The following BPNT1 variants were observed in gnomAD, a reference collection of about 807,000 sequenced individuals.
BPNT1 encodes the protein 3'(2'), 5'-bisphosphate nucleotidase 1, also known as 3'(2'),5'-bisphosphate nucleotidase 1.
In BPNT1, 28 loss-of-function variants were observed where a neutral mutation model predicts 36.9. The observed-to-expected ratio is 0.76, with a 90% CI of 0.56 to 1.04. The LOEUF (loss-of-function observed/expected upper bound fraction) is 1.04. Among genes scored for constraint, BPNT1 ranks in the 50% least tolerant of loss-of-function variants. The pLI is 0.00. For synonymous variants in BPNT1, 119 were observed against 130.9 expected (o/e 0.91, Z 0.62); for missense variants, 313 against 372.9 (o/e 0.84, Z 1.32).
intron 2 of BPNT1, 73 bp from the exon 3 acceptor site, chr1:220,074,144 G>A (rs1032573550): frequency 2.2e-6 from 3 of 1,333,498 alleles, no homozygotes; most frequent in Non-Finnish European, 3.2e-6. Flanking sequence ...GTGCATGAGT[G>A]CCTACATAAT....
chr1:220,084,101 G>T (rs1429372872), intron 1 of BPNT1, among the ~76,000 whole-genome samples: 3 of 152,110 alleles, frequency 2.0e-5, no homozygotes, highest in African/African-American at 7.2e-5. Context: ...GGGAGGCCGA[G>T]GTGGGTGGAT....
At chr1:220,077,309 T>C (rs1664639287) in intron 2 of BPNT1, among the ~76,000 whole-genome samples, 2 of 152,198 alleles carry the variant, frequency 1.3e-5, no homozygotes, top group Admixed American at 1.3e-4. Flanking sequence ...TAAATCAAGA[T>C]ACCCTCTATT....
chr1:220,079,879 C>T, intron 1 of BPNT1, 25 bp from the exon 2 acceptor site: 1 of 1,599,820 alleles, frequency 6.3e-7, no homozygotes, highest in Non-Finnish European at 8.5e-7. Flanking sequence ...AGAAAAATGT[C>T]TTGTTAGTTT....
At chr1:220,086,473 C>T (rs1655737064) in intron 1 of BPNT1, among the ~76,000 whole-genome samples, 2 of 151,982 alleles carry the variant, frequency 1.3e-5, no homozygotes, top group South Asian at 4.1e-4. Flanking sequence ...GGGGTTTCAC[C>T]ACATTGGCCA....
In BPNT1 at chr1:220,064,273, C is replaced by G. The variant is rs554743451; in HGVS notation, c.475-1319G>C. ...CCTATGTTTACCTGTCAAATGTTTT[C>G]ACACACATCATCTTATTTGTCCTAG... On this transcript the variant is annotated intron_variant, in intron 6 of 8. Coordinates refer to ENST00000322067, the MANE Select transcript of BPNT1 (RefSeq NM_006085.6). 2.6e-4 allele frequency among the ~76,000 whole-genome samples: 39 copies of G among 152,290 alleles called. No individual in the cohort carries two copies. In the South Asian group the frequency reaches 7.7e-3, roughly 30 times the overall value.
chr1:220,089,581 G>A (rs1174092861), intron 1 of BPNT1, 105 bp downstream of exon 1: 1 of 152,200 alleles, frequency 6.6e-6, no homozygotes, highest in Non-Finnish European at 1.5e-5. Context: ...AGAATATCTG[G>A]AGAAGCAATC....
At chr1:220,068,179 T>C (rs535970466) in intron 5 of BPNT1, among the ~76,000 whole-genome samples, 41 of 152,212 alleles carry the variant, frequency 2.7e-4, no homozygotes, top group African/African-American at 5.8e-4. Context: ...TCATCATCAT[T>C]ATTATTCTTA....
chr1:220,089,145 GGAA>G (rs911791480), intron 1 of BPNT1, among the ~76,000 whole-genome samples: 10 of 139,710 alleles, frequency 7.2e-5, no homozygotes, highest in Non-Finnish European at 9.6e-5. Flanking sequence ...GGAAGGAGGA[GGAA>G]GAAGAAGAAG....
chr1:220,059,572 C>A, intron 8 of BPNT1, 114 bp downstream of exon 8: 1 of 799,794 alleles, frequency 1.3e-6, no homozygotes, highest in Non-Finnish European at 1.9e-6. Context: ...TCTAAGCTGC[C>A]TTCTAGCTTT....
rs545586760 is a variant in BPNT1 at position 220,058,727 on chromosome 1, C to T, written c.*117G>A. The T allele has an allele frequency of 2.9e-4, 308 of 1,046,510 alleles. No individual in the cohort carries two copies. Among genetic ancestry groups the T allele is most frequent in the African/African-American group, 1.4e-3 (86 of 62,928 alleles). The allele number at this position is 1,046,510 out of a possible 1,614,324, so 64.8% of individuals were successfully genotyped here. On this transcript the variant is annotated 3_prime_UTR_variant, in exon 9 of 9. Transcript: ENST00000322067. The stretch of plus-strand genomic sequence containing the variant: ...GTATTTTTGTAGAGATGGGGTCTCA[C>T]GATATTGCCCAGGCTGGTCTCAAAC...
intron 1 of BPNT1, among the ~76,000 whole-genome samples, chr1:220,089,400 A>T (rs1656096705): frequency 6.6e-6 from 1 of 152,186 alleles, no homozygotes; most frequent in Non-Finnish European, 1.5e-5. Flanking sequence ...TGTTTAAAGA[A>T]ATTTAATTTT....
chr1:220,063,845 T>C lies in BPNT1; in HGVS notation c.475-891A>G, dbSNP rs115151270. Among the ~76,000 whole-genome samples, 885 of 152,244 alleles carry C rather than the reference T, an allele frequency of 5.8e-3. 11 individuals carry two copies. The highest frequency in any genetic ancestry group is 0.02 in the African/African-American group (846 of 41,542). On this transcript the variant is annotated intron_variant, in intron 6 of 8. Transcript: ENST00000322067. ...ATAATGCAATCTTAGAATCTATATT[T>C]TCCTTTGCAGAACTCAATTTCAACT...
chr1:220,082,151 A>C (rs1397600023), intron 1 of BPNT1, among the ~76,000 whole-genome samples: 1 of 145,630 alleles, frequency 6.9e-6, no homozygotes, highest in Non-Finnish European at 1.5e-5. Flanking sequence ...TATATGATAT[A>C]TATGTATTTT....
intron 1 of BPNT1, among the ~76,000 whole-genome samples, chr1:220,088,984 C>G (rs1321393287): frequency 6.7e-6 from 1 of 150,146 alleles, no homozygotes; most frequent in Non-Finnish European, 1.5e-5. Flanking sequence ...GCCTGTAGTC[C>G]CAGCTACTCG....
At position 220,074,017 on chromosome 1, in the gene BPNT1, A is replaced by T. The variant is rs1664322910; in HGVS notation, c.175T>A (p.Cys59Ser). The change falls in exon 3 of 9, where the codon TGT becomes AGT. Residue 59 changes from cysteine to serine, a missense_variant. Physicochemically the swap from Cys to Ser is moderately radical, Grantham distance 112 (BLOSUM62 -1). Coordinates refer to ENST00000322067, the MANE Select transcript of BPNT1 (RefSeq NM_006085.6). Reference protein sequence around the residue: ...KADRLAQMSICSSLARKFPKL... With the variant: ...KADRLAQMSISSSLARKFPKL... ...GGGAATTTCCGGGCCAATGAAGAAC[A>T]TATGCTCATCTGTGCCAATCGGTCA... is the stretch of plus-strand genomic sequence containing the variant. The T allele has an allele frequency of 1.2e-6, 2 of 1,614,044 alleles. No individual in the cohort carries two copies. The highest frequency in any genetic ancestry group is 1.3e-5 in the African/African-American group (1 of 74,938).
At chr1:220,060,894 C>G (rs963524684) in intron 7 of BPNT1, among the ~76,000 whole-genome samples, 2 of 152,070 alleles carry the variant, frequency 1.3e-5, no homozygotes, top group African/African-American at 2.4e-5. Flanking sequence ...GGCGGGGAGG[C>G]TTCCAGGATA....
At chr1:220,081,336 A>G (rs1461156282) in intron 1 of BPNT1, among the ~76,000 whole-genome samples, 1 of 152,128 alleles carries the variant, frequency 6.6e-6, no homozygotes. Flanking sequence ...TGAGGTCAGG[A>G]GTTTGAGACC....
chr1:220,077,953 G>C (rs1397501757), intron 2 of BPNT1, among the ~76,000 whole-genome samples: 1 of 151,906 alleles, frequency 6.6e-6, no homozygotes, highest in Non-Finnish European at 1.5e-5. Flanking sequence ...AAGGTGGGTG[G>C]ATCACTTGAA....
chr1:220,072,961 A>G lies in BPNT1; in HGVS notation c.226-4T>C, dbSNP rs1318094123. ...CCACTTCCTCAGAAGGCAGATCCTAAAGCAGAGATAACCCTAATGGTTACT... is the reference window on the plus strand; with the variant it reads ...CCACTTCCTCAGAAGGCAGATCCTAGAGCAGAGATAACCCTAATGGTTACT... On this transcript the variant is annotated splice_polypyrimidine_tract_variant and splice_region_variant and intron_variant, in intron 3 of 8. Coordinates refer to ENST00000322067, the MANE Select transcript of BPNT1 (RefSeq NM_006085.6). 5.6e-6 allele frequency: 9 copies of G among 1,610,240 alleles called. No homozygotes were observed. In the African/African-American group the frequency reaches 1.1e-4, roughly 19 times the overall value.
Sources: gnomAD v4.1 joint callset for allele counts (sites outside exome capture counted in the v4.1 genomes callset) on GRCh38, gnomAD v4.1.1 for gene constraint, MANE v1.5 for transcripts, NCBI Gene and HGNC (gene_info 2026-07-23, HGNC 2026-07-21) for gene names.